HOOK3: variants seen among roughly 807,000 people sequenced by gnomAD.
HOOK3 encodes hook microtubule tethering protein 3, also known as protein Hook homolog 3.
HOOK3 carries 24 observed loss-of-function variants against 116.3 expected under a neutral mutation model. The observed-to-expected ratio is 0.21, with a 90% confidence interval of 0.15 to 0.29. The LOEUF is 0.29. HOOK3 is among the 10% of genes least tolerant of loss of function. HOOK3 has a pLI of 1.00. For synonymous variants in HOOK3, 275 were observed against 283.0 expected (o/e 0.97, Z 0.28); for missense variants, 632 against 830.2 (o/e 0.76, Z 2.93).
At chr8:42,980,253 T>G (rs992208381) in intron 13 of HOOK3, among the ~76,000 whole-genome samples, 3 of 152,092 alleles carry the variant, frequency 2.0e-5, no homozygotes, top group Non-Finnish European at 4.4e-5. Flanking sequence ...GCACCCGACC[T>G]CTACATGAGT....
chr8:42,906,645 G>A lies in HOOK3; in HGVS notation c.143+387G>A, dbSNP rs968687906. Among the ~76,000 whole-genome samples, 55 of 152,096 alleles carry A rather than the reference G, an allele frequency of 3.6e-4. 3 individuals carry two copies. Among genetic ancestry groups the A allele is most frequent in the Admixed American group, 2.9e-3 (44 of 15,262 alleles). ...CTGAGTACCCATATAAAATAGCAAC[G>A]ACAATTCCCTTATACTTTCTATCCC... On this transcript the variant is annotated intron_variant, in intron 2 of 21. Transcript: ENST00000307602.
chr8:42,996,406 AAAAG>A (rs965240965), intron 15 of HOOK3, among the ~76,000 whole-genome samples: 17 of 151,798 alleles, frequency 1.1e-4, no homozygotes, highest in Non-Finnish European at 2.5e-4. Flanking sequence ...AAAAAAAAGA[AAAAG>A]AAAAAGAAAA....
chr8:42,973,113 G>C (rs11994318), intron 11 of HOOK3, among the ~76,000 whole-genome samples, 176 bp from the exon 12 acceptor site: 7,198 of 152,268 alleles, frequency 0.047, 341 homozygotes, highest in African/African-American at 0.12. Context: ...GGTTGGGACC[G>C]AATAGTAACC....
chr8:42,991,949 TTG>T (rs760648640), intron 15 of HOOK3, among the ~76,000 whole-genome samples: 2 of 152,220 alleles, frequency 1.3e-5, no homozygotes, highest in African/African-American at 2.4e-5. Context: ...TTCCATTTTT[TTG>T]TGTCTTCAAT....
At chr8:42,929,625 T>G (rs1277316379) in intron 3 of HOOK3, among the ~76,000 whole-genome samples, 3 of 151,562 alleles carry the variant, frequency 2.0e-5, no homozygotes, top group Admixed American at 1.3e-4. Flanking sequence ...GAAACAATAG[T>G]TTTTTTTTCT....
chr8:42,964,165 C>A, intron 8 of HOOK3, 146 bp from the exon 9 acceptor site: 1 of 716,534 alleles, frequency 1.4e-6, no homozygotes, highest in South Asian at 2.0e-5. Context: ...CGAGATTGCG[C>A]CACTGCACTC....
intron 10 of HOOK3, among the ~76,000 whole-genome samples, chr8:42,967,287 A>G (rs11990369): frequency 6.6e-6 from 1 of 151,758 alleles, no homozygotes; most frequent in African/African-American, 2.4e-5. Flanking sequence ...ACCTCCCATG[A>G]CTTAGTCTCA....
At chr8:42,911,399 C>A (rs755053547) in intron 2 of HOOK3, among the ~76,000 whole-genome samples, 1 of 151,942 alleles carries the variant, frequency 6.6e-6, no homozygotes, top group African/African-American at 2.4e-5. Context: ...TGCAGTGAGC[C>A]GAGATTGTGC....
chr8:42,899,216 A>T (rs1807131359), intron 1 of HOOK3, among the ~76,000 whole-genome samples: 1 of 152,234 alleles, frequency 6.6e-6, no homozygotes. Flanking sequence ...ACAGAACCTG[A>T]CAACATGAGA....
chr8:42,961,088 A>G (rs937378951), intron 8 of HOOK3, among the ~76,000 whole-genome samples: 2 of 152,104 alleles, frequency 1.3e-5, no homozygotes, highest in African/African-American at 2.4e-5. Context: ...CTTTTAAACA[A>G]CCAGGTCTTG....
intron 21 of HOOK3, among the ~76,000 whole-genome samples, chr8:43,017,872 G>C (rs1352311480): frequency 1.3e-5 from 2 of 152,084 alleles, no homozygotes; most frequent in Non-Finnish European, 1.5e-5. Flanking sequence ...TAATTTGTTT[G>C]AGAATACAAA....
intron 21 of HOOK3, 147 bp from the exon 22 acceptor site, chr8:43,018,211 T>G: frequency 3.6e-5 from 25 of 685,240 alleles, no homozygotes; most frequent in Non-Finnish European, 5.2e-5. Context: ...AATGCCTCTA[T>G]GAGATTTTAA....
intron 15 of HOOK3, among the ~76,000 whole-genome samples, chr8:42,991,785 C>G (rs925108536): frequency 1.3e-5 from 2 of 151,908 alleles, no homozygotes; most frequent in African/African-American, 4.8e-5. Context: ...AACTGGGTCT[C>G]ACTAAATTGC....
chr8:42,958,596 G>GTTTTTT (rs71550434), intron 7 of HOOK3, among the ~76,000 whole-genome samples: 2 of 106,366 alleles, frequency 1.9e-5, no homozygotes, highest in Non-Finnish European at 2.0e-5. Context: ...GTTTTTGATA[G>GTTTTTT]TTTTTTTTTT....
chr8:43,008,669 T>TTTTTATTTTTA (rs1809543246), intron 18 of HOOK3, among the ~76,000 whole-genome samples: 3 of 130,948 alleles, frequency 2.3e-5, no homozygotes, highest in African/African-American at 5.2e-5. Flanking sequence ...TTTTATTTTT[T>TTTTTATTTTTA]TTTTTTTTGA....
At position 43,026,554 on chromosome 8, in the gene HOOK3, G is replaced by T. The variant is rs552648881; in HGVS notation, c.*8056G>T. On this transcript the variant is annotated 3_prime_UTR_variant, in exon 22 of 22. Coordinates refer to ENST00000307602, the MANE Select transcript of HOOK3 (RefSeq NM_032410.4). ...ACTTAGAAGCCAAATCCTTTCAAAC[G>T]CAAACACCCTTGAAACTTGATGCTT... is the stretch of plus-strand genomic sequence containing the variant. The T allele has an allele frequency of 4.7e-6, 1 of 213,364 alleles. No individual in the cohort carries two copies. Among genetic ancestry groups the T allele is most frequent in the African/African-American group, 2.3e-5 (1 of 44,234 alleles). The allele number at this position is 213,364 out of a possible 1,614,324, so 13.2% of individuals were successfully genotyped here.
intron 15 of HOOK3, among the ~76,000 whole-genome samples, chr8:42,992,492 C>T (rs1319423803): frequency 2.8e-4 from 39 of 137,732 alleles, no homozygotes; most frequent in Middle Eastern, 4.9e-3. Context: ...CTGAGGCGGG[C>T]GGATCACAAG....
At chr8:42,903,685 G>A (rs1196480375) in intron 1 of HOOK3, among the ~76,000 whole-genome samples, 1 of 151,020 alleles carries the variant, frequency 6.6e-6, no homozygotes, top group African/African-American at 2.4e-5. Flanking sequence ...GTCGGGCGTG[G>A]TGGCTCAAAC....
chr8:42,958,943 T>C (rs534730369), intron 7 of HOOK3, among the ~76,000 whole-genome samples: 37 of 152,242 alleles, frequency 2.4e-4, no homozygotes, highest in African/African-American at 8.4e-4. Flanking sequence ...TAAAGAATTA[T>C]CCTTACCAAG....
Sources: allele counts gnomAD v4.1 joint callset (sites outside exome capture counted in the v4.1 genomes callset), GRCh38; gene constraint gnomAD v4.1.1; transcripts MANE v1.5; gene names NCBI Gene and HGNC (gene_info 2026-07-23, HGNC 2026-07-21).